Variants in SLC71A1 observed in about 807,000 individuals in gnomAD.
The protein encoded by SLC71A1 is hippocampus abundant gene transcript 1.
chr1:100,038,201 C>T, the SLC71A1 span: 1 of 1,542,988 alleles, frequency 6.5e-7, no homozygotes, highest in Admixed American at 2.0e-5. Context: ...CCGGGAGTGG[C>T]TGCAGCAGCG....
At chr1:100,050,133 A>T in the SLC71A1 span, 1 of 540,740 alleles carries the variant, frequency 1.8e-6, no homozygotes, top group South Asian at 2.8e-5. Context: ...ATTCACCAGT[A>T]TTTTACTGGT....
the SLC71A1 span, among the ~76,000 whole-genome samples, chr1:100,040,551 C>T: frequency 6.6e-6 from 1 of 152,256 alleles, no homozygotes; most frequent in South Asian, 2.1e-4. Flanking sequence ...ACCACCGCCT[C>T]CTGGGTTCAA....
chr1:100,054,818 T>C, the SLC71A1 span, among the ~76,000 whole-genome samples: 1 of 152,216 alleles, frequency 6.6e-6, no homozygotes, highest in Non-Finnish European at 1.5e-5. Flanking sequence ...TCAAAAATCT[T>C]TACAACATTC....
At chr1:100,049,793 C>T in the SLC71A1 span, 10 of 606,580 alleles carry the variant, frequency 1.6e-5, no homozygotes, top group South Asian at 2.1e-4. Context: ...TGACACAGTG[C>T]CCAGTACATA....
chr1:100,081,411 A>C, the SLC71A1 span, among the ~76,000 whole-genome samples: 1 of 152,146 alleles, frequency 6.6e-6, no homozygotes, highest in Non-Finnish European at 1.5e-5. Flanking sequence ...TTACTCTGTC[A>C]CACAGGCTGG....
chr1:100,067,451 A>G, the SLC71A1 span, among the ~76,000 whole-genome samples: 5 of 152,000 alleles, frequency 3.3e-5, no homozygotes, highest in Admixed American at 2.6e-4. Flanking sequence ...GGGTTTCTCC[A>G]TGTTGTCCAG....
At chr1:100,041,646 A>G in the SLC71A1 span, among the ~76,000 whole-genome samples, 3 of 152,266 alleles carry the variant, frequency 2.0e-5, no homozygotes, top group Non-Finnish European at 1.5e-5. Context: ...TTTTTAGGCC[A>G]GGGGCAGTGG....
At chr1:100,080,645 C>T in the SLC71A1 span, 1 of 1,613,784 alleles carries the variant, frequency 6.2e-7, no homozygotes, top group African/African-American at 1.3e-5. Flanking sequence ...AAGCCCTCAG[C>T]ACCACTTTGA....
the SLC71A1 span, among the ~76,000 whole-genome samples, chr1:100,047,499 C>T: frequency 9.2e-3 from 1,397 of 152,224 alleles, 25 homozygotes; most frequent in African/African-American, 0.032. Context: ...CTTGGCTCAC[C>T]GCAACTTCCG....
the SLC71A1 span, among the ~76,000 whole-genome samples, chr1:100,072,520 T>C: frequency 1.3e-5 from 2 of 151,812 alleles, no homozygotes; most frequent in South Asian, 4.2e-4. Context: ...TTTGTCACCC[T>C]AGCACCCTGA....
chr1:100,064,392 G>GT, the SLC71A1 span, among the ~76,000 whole-genome samples: 54 of 152,258 alleles, frequency 3.5e-4, no homozygotes, highest in East Asian at 8.3e-3. Flanking sequence ...GCCTCCCAAA[G>GT]TGTTGGGATT....
the SLC71A1 span, among the ~76,000 whole-genome samples, chr1:100,041,491 CT>C: frequency 1.3e-5 from 2 of 152,158 alleles, no homozygotes; most frequent in African/African-American, 4.8e-5. Flanking sequence ...AGCAATTGTT[CT>C]GTTTGAAAAC....
chr1:100,059,318 C>T, the SLC71A1 span, among the ~76,000 whole-genome samples: 1 of 151,096 alleles, frequency 6.6e-6, no homozygotes, highest in Non-Finnish European at 1.5e-5. Flanking sequence ...GCCACCACAC[C>T]CGGCTAATTT....
the SLC71A1 span, among the ~76,000 whole-genome samples, chr1:100,053,955 CAT>C: frequency 1.7e-3 from 261 of 151,368 alleles, 4 homozygotes; most frequent in Non-Finnish European, 2.9e-3. Flanking sequence ...GATTATGTAA[CAT>C]ATTAGCTAAG....
At chr1:100,067,591 G>A in the SLC71A1 span, among the ~76,000 whole-genome samples, 2 of 152,052 alleles carry the variant, frequency 1.3e-5, no homozygotes, top group African/African-American at 4.8e-5. Flanking sequence ...TGGGAGGATC[G>A]CTTGAGCTCA....
chr1:100,051,797 G>C, the SLC71A1 span, among the ~76,000 whole-genome samples: 1 of 152,138 alleles, frequency 6.6e-6, no homozygotes. Flanking sequence ...AACAGCCCAC[G>C]TGTATTTATA....
the SLC71A1 span, chr1:100,080,636 A>G: frequency 1.3e-5 from 21 of 1,613,954 alleles, no homozygotes; most frequent in Non-Finnish European, 1.7e-5. Context: ...AACAAACACA[A>G]GCCCTCAGCA....
chr1:100,061,522 GT>G, the SLC71A1 span, among the ~76,000 whole-genome samples: 2 of 152,118 alleles, frequency 1.3e-5, no homozygotes, highest in Non-Finnish European at 2.9e-5. Flanking sequence ...ATAGACTTTA[GT>G]TTGTTGCTGT....
At chr1:100,082,612 T>A in the SLC71A1 span, 1,667 of 157,294 alleles carry the variant, frequency 0.011, 32 homozygotes, top group African/African-American at 0.039. Flanking sequence ...TGTTTTAACA[T>A]TGTAAAATTT....
Sources: gnomAD v4.1 joint callset for allele counts (sites outside exome capture counted in the v4.1 genomes callset) on GRCh38, gnomAD v4.1.1 for gene constraint, MANE v1.5 for transcripts, NCBI Gene and HGNC (gene_info 2026-07-23, HGNC 2026-07-21) for gene names.